AGO2: variants seen among roughly 807,000 people sequenced by gnomAD.
AGO2 encodes argonaute RISC catalytic component 2, also known as protein argonaute-2.
AGO2 carries 5 observed loss-of-function variants against 102.3 expected under a neutral mutation model. The observed-to-expected ratio is 0.05, with a 90% CI of 0.03 to 0.10. AGO2 has a LOEUF of 0.10. AGO2 is among the 10% of genes least tolerant of loss of function. The pLI, the probability that AGO2 is intolerant of heterozygous loss-of-function variation, is 1.00. For missense variants in AGO2, 541 were observed against 1,183.7 expected (o/e 0.46, Z 7.97); for synonymous variants, 449 against 473.1 (o/e 0.95, Z 0.66).
intron 1 of AGO2, among the ~76,000 whole-genome samples, chr8:140,611,926 AG>A (rs2074082919): frequency 6.6e-6 from 1 of 152,124 alleles, no homozygotes; most frequent in South Asian, 2.1e-4. Flanking sequence ...AATACTTAAA[AG>A]ACTTCTGGTG....
At chr8:140,607,588 T>C (rs2074020970) in intron 1 of AGO2, among the ~76,000 whole-genome samples, 1 of 147,922 alleles carries the variant, frequency 6.8e-6, no homozygotes, top group African/African-American at 2.5e-5. Flanking sequence ...ATCAGGACAG[T>C]GGAATATTAC....
intron 2 of AGO2, 132 bp from the exon 3 acceptor site, chr8:140,573,064 C>A: frequency 9.1e-7 from 1 of 1,100,068 alleles, no homozygotes; most frequent in Non-Finnish European, 1.3e-6. Flanking sequence ...GGCTGGAGTG[C>A]AATGGCGTGA....
At chr8:140,635,390 C>T (rs938123951) in intron 1 of AGO2, 95 bp downstream of exon 1, 10 of 894,836 alleles carry the variant, frequency 1.1e-5, no homozygotes, top group Admixed American at 6.4e-5. Context: ...CCCGCGGCCC[C>T]CCGATCCCCG....
intron 1 of AGO2, among the ~76,000 whole-genome samples, chr8:140,621,868 C>A (rs6995141): frequency 0.25 from 37,677 of 152,046 alleles, 5,369 homozygotes; most frequent in Admixed American, 0.37. Flanking sequence ...AGCCACTGTA[C>A]AACAGCTAAG....
intron 1 of AGO2, among the ~76,000 whole-genome samples, chr8:140,616,512 C>CATA (rs10671612): frequency 1 from 152,020 of 152,376 alleles, 75,834 homozygotes; most frequent in Middle Eastern, 1. Context: ...AACAATTGCT[C>CATA]ATAACTAAAT....
chr8:140,613,853 A>C lies in AGO2; in HGVS notation c.22+21632T>G, dbSNP rs545758010. Among the ~76,000 whole-genome samples, 598 of 118,870 alleles carry C rather than the reference A, an allele frequency of 5.0e-3. 4 individuals carry two copies. Among genetic ancestry groups the C allele is most frequent in the African/African-American group, 0.017 (584 of 34,654 alleles). 78.0% of individuals were successfully genotyped at this position (118,870 alleles called of 152,430 possible). A position where few individuals can be genotyped will look rare whatever the true frequency, so the allele number is the denominator to read the frequency against. On this transcript the variant is annotated intron_variant, in intron 1 of 18. Coordinates refer to ENST00000220592, the MANE Select transcript of AGO2 (RefSeq NM_012154.5). ...CAACACAGAGAGACCTCGTCTCCAC[A>C]ACAAAAATTTTTAAAGTAGCCGGAT...
chr8:140,560,997 C>G (rs892102036), intron 4 of AGO2, among the ~76,000 whole-genome samples: 1 of 152,242 alleles, frequency 6.6e-6, no homozygotes, highest in Non-Finnish European at 1.5e-5. Context: ...CAGCATCTGC[C>G]GGCTCCTTTA....
intron 14 of AGO2, among the ~76,000 whole-genome samples, chr8:140,542,115 G>C (rs1403911111): frequency 1.3e-5 from 2 of 152,140 alleles, no homozygotes; most frequent in Non-Finnish European, 2.9e-5. Context: ...AGGGCAGACA[G>C]AGAGAGCCTA....
rs144406671 is a variant in AGO2, at chr8:140,612,920, C to T, written c.22+22565G>A. On this transcript the variant is annotated intron_variant, in intron 1 of 18. Coordinates refer to ENST00000220592, the MANE Select transcript of AGO2 (RefSeq NM_012154.5). ...TTCAACCAAAACAACATATCCCTGGCCAGGCATGGTGGCTCGCGTCTTTAA... is the reference window on the plus strand; with the variant it reads ...TTCAACCAAAACAACATATCCCTGGTCAGGCATGGTGGCTCGCGTCTTTAA... 3.0e-4 allele frequency among the ~76,000 whole-genome samples: 46 copies of T among 152,108 alleles called. No individual in the cohort carries two copies. In the East Asian group the frequency reaches 8.9e-3, roughly 29 times the overall value.
At chr8:140,626,081 CT>C (rs2074273093) in intron 1 of AGO2, among the ~76,000 whole-genome samples, 1 of 150,660 alleles carries the variant, frequency 6.6e-6, no homozygotes, top group African/African-American at 2.5e-5. Flanking sequence ...AGCACGTGGC[CT>C]TCTAGTTCCA....
At chr8:140,641,075 G>A in the AGO2 span, among the ~76,000 whole-genome samples, 1 of 152,230 alleles carries the variant, frequency 6.6e-6, no homozygotes, top group South Asian at 2.1e-4. Flanking sequence ...GTGGGCAGGT[G>A]TCTTGAGCAC....
intron 1 of AGO2, among the ~76,000 whole-genome samples, chr8:140,629,187 G>A (rs2074311662): frequency 6.6e-6 from 1 of 152,184 alleles, no homozygotes; most frequent in Non-Finnish European, 1.5e-5. Context: ...AGATCAAACA[G>A]GAAGAGAAAC....
At chr8:140,532,713 T>C (rs1389227986) in intron 17 of AGO2, 98 bp from the exon 18 acceptor site, 1 of 1,301,050 alleles carries the variant, frequency 7.7e-7, no homozygotes, top group Non-Finnish European at 1.1e-6. Flanking sequence ...AAATGCATCA[T>C]AGTCTGGACA....
intron 2 of AGO2, among the ~76,000 whole-genome samples, chr8:140,580,445 G>A (rs2073539216): frequency 6.6e-6 from 1 of 152,238 alleles, no homozygotes; most frequent in Admixed American, 6.5e-5. Flanking sequence ...CACAGAGGCT[G>A]CAGTGTGGTA....
At position 140,527,970 on chromosome 8, in the gene AGO2, C is replaced by A. The variant is rs183025577; in HGVS notation, c.*4074G>T. 4 of 152,396 alleles carry A rather than the reference C, an allele frequency of 2.6e-5. No individual in the cohort carries two copies. Among genetic ancestry groups the A allele is most frequent in the Non-Finnish European group, 4.4e-5 (3 of 68,058 alleles). The allele number at this position is 152,396 out of a possible 1,614,324, so 9.4% of individuals were successfully genotyped here. On this transcript the variant is annotated 3_prime_UTR_variant, in exon 19 of 19. Transcript: ENST00000220592. The surrounding 1 kb of genome is among the most constrained non-coding windows in gnomAD (Gnocchi z 6.0). ...GCGCAGGGAACAAGCCACGGGCCAC[C>A]CCAGCCCCAAAGGCCTCCTGGGGAC...
rs566957988 is a variant in AGO2, at chr8:140,521,585, G to A, written c.*10459C>T. ...GCCATAGTAGGAAAAGTCTAGAATT[G>A]TAAACTGCCAAATATAAAAGCATGG... On this transcript the variant is annotated 3_prime_UTR_variant, in exon 19 of 19. Transcript: ENST00000220592. 6.6e-6 allele frequency: 1 copy of A among 152,340 alleles called. No homozygotes were observed. The highest frequency in any genetic ancestry group is 2.4e-5 in the African/African-American group (1 of 41,578). 9.4% of individuals were successfully genotyped at this position (152,340 alleles called of 1,614,324 possible).
chr8:140,603,033 T>A (rs1451177769), intron 1 of AGO2, among the ~76,000 whole-genome samples: 2 of 152,220 alleles, frequency 1.3e-5, no homozygotes, highest in Non-Finnish European at 1.5e-5. Context: ...TTATATGACA[T>A]AATTATGGAT....
intron 1 of AGO2, among the ~76,000 whole-genome samples, chr8:140,626,170 AG>A (rs1473606387): frequency 6.6e-6 from 1 of 152,148 alleles, no homozygotes; most frequent in Admixed American, 6.5e-5. Flanking sequence ...CGAGCGGGCA[AG>A]GAAGGTCCCC....
intron 2 of AGO2, among the ~76,000 whole-genome samples, chr8:140,580,195 T>A (rs2073534265): frequency 6.6e-6 from 1 of 152,118 alleles, no homozygotes; most frequent in Admixed American, 6.5e-5. Flanking sequence ...GGAGGAAGGG[T>A]CTTGCTTGCA....
Sources: allele counts gnomAD v4.1 joint callset (sites outside exome capture counted in the v4.1 genomes callset), GRCh38; gene constraint gnomAD v4.1.1; non-coding constraint Gnocchi (gnomAD v3.1); transcripts MANE v1.5; gene names NCBI Gene and HGNC (gene_info 2026-07-23, HGNC 2026-07-21).